Variants in ROBO2 observed in about 807,000 individuals in gnomAD.
ROBO2 encodes the protein roundabout guidance receptor 2, also known as roundabout homolog 2.
In ROBO2, 53 loss-of-function variants were observed where a neutral mutation model predicts 160.8. The observed-to-expected ratio is 0.33, with a 90% CI of 0.26 to 0.41. The LOEUF (loss-of-function observed/expected upper bound fraction) is 0.41. ROBO2 is among the 10% of genes least tolerant of loss of function. The pLI is 1.00. For synonymous variants in ROBO2, 664 were observed against 611.7 expected (o/e 1.09, Z -1.26); for missense variants, 1,577 against 1,722.4 (o/e 0.92, Z 1.49).
At chr3:77,374,244 T>A (rs2072304959) in intron 2 of ROBO2, among the ~76,000 whole-genome samples, 1 of 142,032 alleles carries the variant, frequency 7.0e-6, no homozygotes, top group Non-Finnish European at 1.5e-5. Flanking sequence ...CTGAATACAG[T>A]CTTTAAAATT....
chr3:76,543,944 G>A lies in ROBO2; in HGVS notation c.110-554070G>A, dbSNP rs559584023. Among the ~76,000 whole-genome samples, 128 of 152,068 alleles carry A rather than the reference G, an allele frequency of 8.4e-4. 1 individual carries two copies. Among genetic ancestry groups the A allele is most frequent in the African/African-American group, 3.0e-3 (124 of 41,516 alleles). The stretch of plus-strand genomic sequence containing the variant: ...CAGTCGATCTTCAGGGGAAAAATAT[G>A]CTAGAATAATCCTTGGTGAAAAATC... On this transcript the variant is annotated intron_variant, in intron 2 of 26. Transcript: ENST00000487694.
At chr3:76,139,148 A>G (rs76726617) in intron 2 of ROBO2, among the ~76,000 whole-genome samples, 12,693 of 152,134 alleles carry the variant, frequency 0.083, 911 homozygotes, top group East Asian at 0.37. Context: ...CTAATAGGAA[A>G]CAGTTCTTTT....
intron 2 of ROBO2, among the ~76,000 whole-genome samples, chr3:76,266,026 A>G (rs776508162): frequency 6.6e-6 from 1 of 152,286 alleles, no homozygotes; most frequent in African/African-American, 2.4e-5. Flanking sequence ...TGGAAATTGA[A>G]GGTTTTCAAC....
intron 22 of ROBO2, among the ~76,000 whole-genome samples, chr3:77,619,710 C>T (rs146598031): frequency 2.0e-5 from 3 of 152,270 alleles, no homozygotes; most frequent in African/African-American, 7.2e-5. Flanking sequence ...CAAGCCCCCC[C>T]ATAATCATAT....
intron 2 of ROBO2, among the ~76,000 whole-genome samples, chr3:77,437,071 T>G (rs2079368896): frequency 6.6e-6 from 1 of 152,034 alleles, no homozygotes; most frequent in Admixed American, 6.6e-5. Flanking sequence ...AAAATGTGTT[T>G]CTGAATACCT....
At chr3:76,028,415 G>T (rs948239709) in intron 2 of ROBO2, among the ~76,000 whole-genome samples, 5 of 151,772 alleles carry the variant, frequency 3.3e-5, no homozygotes, top group African/African-American at 1.2e-4. Flanking sequence ...GCTTCTAAGT[G>T]AGGTTAAAAA....
chr3:76,145,202 G>C (rs984817927), intron 2 of ROBO2, among the ~76,000 whole-genome samples: 2 of 151,830 alleles, frequency 1.3e-5, no homozygotes, highest in African/African-American at 4.8e-5. Flanking sequence ...TTCTAACCTT[G>C]GAATCTGACT....
chr3:76,507,810 G>T (rs1388348250), intron 2 of ROBO2, among the ~76,000 whole-genome samples: 1 of 152,110 alleles, frequency 6.6e-6, no homozygotes, highest in East Asian at 1.9e-4. Context: ...TCTACAATCC[G>T]TTCTTTCTAC....
At chr3:77,371,313 TTA>T (rs2153476887) in intron 2 of ROBO2, among the ~76,000 whole-genome samples, 1 of 152,316 alleles carries the variant, frequency 6.6e-6, no homozygotes, top group African/African-American at 2.4e-5. Flanking sequence ...GTAGTGCTCT[TTA>T]TAGGGTAAAT....
At chr3:76,919,181 G>A (rs574671032) in intron 2 of ROBO2, among the ~76,000 whole-genome samples, 96 of 151,538 alleles carry the variant, frequency 6.3e-4, no homozygotes, top group African/African-American at 2.0e-3. Context: ...CATGTACCCC[G>A]GAACTTAAAA....
exon 2 of ROBO2, chr3:75,937,482 G>A (rs1419937368): frequency 2.6e-6 from 4 of 1,537,792 alleles, no homozygotes; most frequent in Admixed American, 3.7e-5. Flanking sequence ...AATATGCAGA[G>A]TTTAAGATGC....
Position 76,777,999 on chromosome 3 carries a change from A to C in ROBO2, c.110-320015A>C, listed in dbSNP as rs58545462. Among the ~76,000 whole-genome samples, 487 of 151,218 alleles carry C rather than the reference A, an allele frequency of 3.2e-3. 5 individuals carry two copies. The highest frequency in any genetic ancestry group is 0.011 in the African/African-American group (458 of 41,420). ...AGAATCACCATTCTAGGATGTGTGC[A>C]TGTATTTCCCTACATATACCTACCT... On this transcript the variant is annotated intron_variant, in intron 2 of 26. Coordinates refer to the ROBO2 transcript ENST00000487694.
At chr3:77,644,378 T>C (rs1441698095) in intron 24 of ROBO2, among the ~76,000 whole-genome samples, 1 of 152,188 alleles carries the variant, frequency 6.6e-6, no homozygotes, top group Non-Finnish European at 1.5e-5. Context: ...TTAGAAATTA[T>C]TCTCAGATAT....
chr3:76,731,314 G>A lies in ROBO2; in HGVS notation c.110-366700G>A, dbSNP rs572251539. 3.3e-5 allele frequency among the ~76,000 whole-genome samples: 5 copies of A among 152,012 alleles called. No individual in the cohort carries two copies. In the South Asian group the frequency reaches 8.3e-4, roughly 25 times the overall value. ...GTTTAATGAAAGCTTTCCTGAATACGTAAATGCCAAGGGAAGACACTGGGT... is the reference window on the plus strand; with the variant it reads ...GTTTAATGAAAGCTTTCCTGAATACATAAATGCCAAGGGAAGACACTGGGT... On this transcript the variant is annotated intron_variant, in intron 2 of 26. Coordinates refer to the ROBO2 transcript ENST00000487694.
intron 2 of ROBO2, among the ~76,000 whole-genome samples, chr3:76,390,871 G>A (rs138687341): frequency 6.6e-6 from 1 of 152,228 alleles, no homozygotes; most frequent in African/African-American, 2.4e-5. Flanking sequence ...TGTTCAGTAT[G>A]ACATTGAATG....
chr3:76,571,417 C>A (rs1370622279), intron 2 of ROBO2, among the ~76,000 whole-genome samples: 1 of 151,984 alleles, frequency 6.6e-6, no homozygotes, highest in Non-Finnish European at 1.5e-5. Flanking sequence ...CATAAAATAT[C>A]TTTTCAATAA....
chr3:77,355,675 C>T (rs2069007492), intron 2 of ROBO2, among the ~76,000 whole-genome samples: 1 of 151,828 alleles, frequency 6.6e-6, no homozygotes, highest in African/African-American at 2.4e-5. Context: ...AATGAAAGTA[C>T]TAAAAGGATT....
intron 1 of ROBO2, among the ~76,000 whole-genome samples, chr3:75,913,151 A>G (rs1167503207): frequency 6.6e-6 from 1 of 151,652 alleles, no homozygotes; most frequent in African/African-American, 2.4e-5. Flanking sequence ...CCATTCCTCC[A>G]TTTTCAAGGT....
At chr3:75,928,272 C>A (rs1947372444) in intron 1 of ROBO2, among the ~76,000 whole-genome samples, 2 of 152,206 alleles carry the variant, frequency 1.3e-5, no homozygotes, top group Admixed American at 1.3e-4. Context: ...GCGTGAGCCA[C>A]CGTGCCCGGC....
Sources: gnomAD v4.1 joint callset for allele counts (sites outside exome capture counted in the v4.1 genomes callset) on GRCh38, gnomAD v4.1.1 for gene constraint, MANE v1.5 for transcripts, NCBI Gene and HGNC (gene_info 2026-07-23, HGNC 2026-07-21) for gene names.